Variants in PIWIL3 observed in about 807,000 individuals in gnomAD.
PIWIL3 encodes piwi-like protein 3.
Under a neutral mutation model 109.7 loss-of-function variants are expected in PIWIL3, and 101 were observed. The observed-to-expected ratio is 0.92, with a 90% CI of 0.78 to 1.09. The LOEUF (loss-of-function observed/expected upper bound fraction) is 1.09, where lower values mean the gene tolerates loss of function less well. Among genes scored for constraint, PIWIL3 ranks in the 50% least tolerant of loss-of-function variants. The probability of loss-of-function intolerance (pLI) is 0.00; values close to 1 mark genes in which losing one functional copy is unlikely to be tolerated. For synonymous variants in PIWIL3, 373 were observed against 376.4 expected (o/e 0.99, Z 0.10); for missense variants, 1,031 against 1,072.6 (o/e 0.96, Z 0.54).
chr22:24,725,612 T>A (rs1235296488), intron 16 of PIWIL3, 97 bp from the exon 17 acceptor site: 1 of 1,160,542 alleles, frequency 8.6e-7, no homozygotes, highest in African/African-American at 1.5e-5. Context: ...CTATCAGTAG[T>A]TAAGGACATT....
chr22:24,753,309 A>G (rs1440841605), intron 8 of PIWIL3, among the ~76,000 whole-genome samples: 1 of 152,292 alleles, frequency 6.6e-6, no homozygotes, highest in East Asian at 1.9e-4. Flanking sequence ...TTGGTTTTTG[A>G]GTTAAACTGG....
intron 4 of PIWIL3, 64 bp downstream of exon 4, chr22:24,757,844 A>T: frequency 2.8e-5 from 1 of 35,484 alleles, no homozygotes; most frequent in African/African-American, 9.5e-5. Flanking sequence ...TCTCTCAATG[A>T]AAAAAAAAAA....
At chr22:24,747,317 G>A (rs1468358564) in intron 12 of PIWIL3, among the ~76,000 whole-genome samples, 1 of 152,082 alleles carries the variant, frequency 6.6e-6, no homozygotes, top group Non-Finnish European at 1.5e-5. Context: ...AAGATGGCTT[G>A]AAGACATAAA....
intron 12 of PIWIL3, among the ~76,000 whole-genome samples, chr22:24,742,615 G>A (rs1264903991): frequency 6.6e-6 from 1 of 152,166 alleles, no homozygotes; most frequent in African/African-American, 2.4e-5. Context: ...GTAGCTAACT[G>A]GTCTTTGACA....
Position 24,749,418 on chromosome 22 carries a change from G to A in PIWIL3, c.1320C>T (p.Ile440=). The part of the protein sequence containing the change: ...RRRHHTLKEF[I]NTLQDNKKVR... ...GCAGCACTTACTCTTGTAGAGTATT[G>A]ATGAATTCTTTTAATGTATGATGCC... The change falls in exon 11 of 21, where the codon ATC becomes ATT. Residue 440 remains isoleucine, a synonymous_variant. Transcript: ENST00000616349. 1 of 1,613,790 alleles carries A rather than the reference G, an allele frequency of 6.2e-7. No individual in the cohort carries two copies. Among genetic ancestry groups the A allele is most frequent in the Non-Finnish European group, 8.5e-7 (1 of 1,179,934 alleles).
intron 4 of PIWIL3, among the ~76,000 whole-genome samples, chr22:24,757,683 C>CATATATATAAAATATGTATATATT (rs1925165193): frequency 1.6e-5 from 1 of 63,564 alleles, no homozygotes; most frequent in African/African-American, 5.5e-5. Flanking sequence ...CACACACACA[C>CATATATATAAAATATGTATATATT]ACACACACAC....
At chr22:24,723,825 C>T (rs957972363) in intron 18 of PIWIL3, among the ~76,000 whole-genome samples, 4 of 152,116 alleles carry the variant, frequency 2.6e-5, no homozygotes, top group African/African-American at 9.7e-5. Flanking sequence ...CAGGTGTGCA[C>T]CACCACGCCT....
At chr22:24,744,129 T>C (rs542561636) in intron 12 of PIWIL3, among the ~76,000 whole-genome samples, 3 of 98,320 alleles carry the variant, frequency 3.1e-5, no homozygotes, top group South Asian at 3.4e-4. Flanking sequence ...TTCTCAATAA[T>C]AACACTGAAT....
chr22:24,751,874 A>T (rs1242341086), intron 8 of PIWIL3, among the ~76,000 whole-genome samples: 1 of 152,216 alleles, frequency 6.6e-6, no homozygotes, highest in Non-Finnish European at 1.5e-5. Context: ...ACTTAGCATC[A>T]TGTTTAAGGT....
intron 18 of PIWIL3, 142 bp downstream of exon 18, chr22:24,724,745 C>T: frequency 3.1e-6 from 3 of 973,976 alleles, no homozygotes; most frequent in South Asian, 1.8e-5. Flanking sequence ...CCAATTTTTT[C>T]ATTTTTTGTA....
Position 24,744,178 on chromosome 22 carries a change from T to TGAAAAAAAAA in PIWIL3, c.1449+4728_1449+4729insTTTTTTTTTC, listed in dbSNP as rs1924180538. Among the ~76,000 whole-genome samples the TGAAAAAAAAA allele has an allele frequency of 5.8e-5, 2 of 34,304 alleles. 1 individual carries two copies. The highest frequency in any genetic ancestry group is 1.9e-4 in the African/African-American group (2 of 10,546). 22.5% of individuals were successfully genotyped at this position (34,304 alleles called of 152,430 possible). On this transcript the variant is annotated intron_variant, in intron 12 of 20. Coordinates refer to ENST00000616349, the MANE Select transcript of PIWIL3 (RefSeq NM_001255975.1). ...ACTCTAATTGAAAGAGTGACCGAAT[T>TGAAAAAAAAA]AAAAAAAAAAAAAAAAAAAAAAAAA...
intron 12 of PIWIL3, among the ~76,000 whole-genome samples, chr22:24,747,725 T>C (rs1924458999): frequency 6.6e-6 from 1 of 152,032 alleles, no homozygotes; most frequent in Admixed American, 6.6e-5. Context: ...AAATCAAAAC[T>C]ACAATGAGAT....
In PIWIL3 at chr22:24,727,983, C is replaced by T; in HGVS notation, c.1976G>A (p.Gly659Glu). 1 of 1,613,744 alleles carries T rather than the reference C, an allele frequency of 6.2e-7. No individual in the cohort carries two copies. Residue 659 changes from glycine to glutamate, a missense_variant, in exon 16 of 21, where the codon GGA (glycine) becomes GAA (glutamate). By Grantham distance (98) the Gly-to-Glu change is moderately conservative. Coordinates refer to ENST00000616349, the MANE Select transcript of PIWIL3 (RefSeq NM_001255975.1). ...DIVNRQKSIA[G>E]FVASTNAELT... ...TTCAGCATTGGTACTTGCAACAAAT[C>T]CTGCTATTGATTTCTGTCGATTTAC...
At chr22:24,746,165 A>G (rs117063111) in intron 12 of PIWIL3, among the ~76,000 whole-genome samples, 6,003 of 152,298 alleles carry the variant, frequency 0.039, 197 homozygotes, top group South Asian at 0.12. Flanking sequence ...ATCTCCAATG[A>G]ACACTGATAT....
chr22:24,733,698 A>G (rs1270835385), intron 14 of PIWIL3, among the ~76,000 whole-genome samples: 2 of 94,226 alleles, frequency 2.1e-5, no homozygotes, highest in Admixed American at 1.8e-4. Flanking sequence ...ACAAACAAAC[A>G]AAAAACAACA....
chr22:24,756,609 G>A lies in PIWIL3; in HGVS notation c.452C>T (p.Pro151Leu). 1 of 1,613,922 alleles carries A rather than the reference G, an allele frequency of 6.2e-7. No individual in the cohort carries two copies. The highest frequency in any genetic ancestry group is 8.5e-7 in the Non-Finnish European group (1 of 1,179,836). Reference protein sequence around the residue: ...VAYKYNVDYKPDIEDGNLRTI... With the variant: ...VAYKYNVDYKLDIEDGNLRTI... ...ACGGAGATTTCCATCTTCTATGTCT[G>A]GTTTGTAGTCAACGTTGTATTTATA... The change falls in exon 5 of 21, where the codon CCA (proline) becomes CTA (leucine). Residue 151 changes from proline (P) to leucine (L), a missense_variant. By Grantham distance (98) the Pro-to-Leu change is moderately conservative (BLOSUM62 -3). Coordinates refer to ENST00000616349, the MANE Select transcript of PIWIL3 (RefSeq NM_001255975.1).
intron 18 of PIWIL3, 39 bp from the exon 19 acceptor site, chr22:24,723,294 G>C: frequency 6.3e-7 from 1 of 1,582,516 alleles, no homozygotes; most frequent in Non-Finnish European, 8.6e-7. Flanking sequence ...TGTTTACTCA[G>C]TCTTACCTCA....
chr22:24,728,536 TATTA>T, intron 14 of PIWIL3, 162 bp from the exon 15 acceptor site: 1 of 589,034 alleles, frequency 1.7e-6, no homozygotes, highest in Non-Finnish European at 2.8e-6. Flanking sequence ...AGAGCCATGT[TATTA>T]ATTATAACAT....
intron 13 of PIWIL3, among the ~76,000 whole-genome samples, chr22:24,734,820 C>CT (rs34841642): frequency 0.21 from 28,348 of 134,914 alleles, 3,179 homozygotes; most frequent in East Asian, 0.52. Context: ...CAGAACATAA[C>CT]TTTTTTTTTT....
Sources: gnomAD v4.1 joint callset for allele counts (sites outside exome capture counted in the v4.1 genomes callset) on GRCh38, gnomAD v4.1.1 for gene constraint, MANE v1.5 for transcripts, NCBI Gene and HGNC (gene_info 2026-07-23, HGNC 2026-07-21) for gene names.